PCDH11Y: variants seen among roughly 807,000 people sequenced by gnomAD.
PCDH11Y encodes protocadherin 11 Y-linked, also known as protocadherin-11 Y-linked.
For missense variants in PCDH11Y, 12 were observed against 224.8 expected, an observed-to-expected ratio of 0.05 and a Z score of 6.05; for synonymous variants, 9 against 83.6, an observed-to-expected ratio of 0.11 and a Z score of 4.87.
At chrY:5,044,210 C>A in intron 3 of PCDH11Y, among the ~76,000 whole-genome samples, 1 of 31,762 alleles carries the variant, frequency 3.1e-5, no homozygotes, top group Admixed American at 2.9e-4. Context: ...GTTAGGGTGT[C>A]AATTTTTGAT....
intron 2 of PCDH11Y, among the ~76,000 whole-genome samples, chrY:5,118,337 T>C (rs2052813952): frequency 6.2e-5 from 2 of 32,511 alleles, no homozygotes; most frequent in Non-Finnish European, 1.5e-4. Context: ...CAGGTGATTC[T>C]CCCACTTCAG....
At chrY:5,447,933 T>C in intron 2 of PCDH11Y, among the ~76,000 whole-genome samples, 1 of 31,146 alleles carries the variant, frequency 3.2e-5, no homozygotes, top group Non-Finnish European at 7.8e-5. Context: ...CACACACTTA[T>C]TAACATCTTC....
At chrY:5,691,165 G>T (rs2124710783) in intron 4 of PCDH11Y, among the ~76,000 whole-genome samples, 1 of 33,288 alleles carries the variant, frequency 3.0e-5, no homozygotes, top group East Asian at 7.8e-4. Context: ...TTTGATATGT[G>T]GAAAAAATAA....
At chrY:5,425,986 C>T (rs2053262934) in intron 2 of PCDH11Y, among the ~76,000 whole-genome samples, 3 of 32,404 alleles carry the variant, frequency 9.3e-5, no homozygotes, top group African/African-American at 3.6e-4. Flanking sequence ...CAAATTTGTC[C>T]GTAATATTCA....
intron 2 of PCDH11Y, among the ~76,000 whole-genome samples, chrY:5,272,622 A>G: frequency 3.0e-5 from 1 of 32,835 alleles, no homozygotes; most frequent in African/African-American, 1.2e-4. Flanking sequence ...TGACATTTGT[A>G]TCAGCATTAG....
chrY:5,257,874 T>A, intron 2 of PCDH11Y, among the ~76,000 whole-genome samples: 2 of 29,236 alleles, frequency 6.8e-5, no homozygotes, highest in Non-Finnish European at 1.6e-4. Context: ...TTGGCATTAG[T>A]TCTTCTATAA....
At chrY:5,145,477 C>A in intron 2 of PCDH11Y, among the ~76,000 whole-genome samples, 7 of 33,254 alleles carry the variant, frequency 2.1e-4, no homozygotes, top group Non-Finnish European at 5.2e-4. Context: ...TGTTTTCTAT[C>A]ATATAGGAAT....
intron 4 of PCDH11Y, among the ~76,000 whole-genome samples, chrY:5,622,280 T>C: frequency 1.8e-4 from 6 of 32,498 alleles, no homozygotes; most frequent in Non-Finnish European, 3.7e-4. Flanking sequence ...AAGACATACA[T>C]GTGGCCAATA....
intron 2 of PCDH11Y, among the ~76,000 whole-genome samples, chrY:5,373,745 TAC>T (rs369088178): frequency 0.086 from 2,023 of 23,558 alleles, no homozygotes; most frequent in Middle Eastern, 0.095. Context: ...TGTGTATATA[TAC>T]ACACACACAC....
At chrY:5,071,103 G>T (rs2124630680) in intron 1 of PCDH11Y, among the ~76,000 whole-genome samples, 1 of 32,602 alleles carries the variant, frequency 3.1e-5, no homozygotes, top group South Asian at 6.8e-4. Context: ...AAATTTTTGA[G>T]ATATTGTGAT....
chrY:5,727,505 C>T lies in PCDH11Y; in HGVS notation c.3353-9767C>T. Among the ~76,000 whole-genome samples the T allele has an allele frequency of 2.5e-4, 8 of 32,404 alleles. No homozygotes were observed. The Middle Eastern group carries it at 0.11, about 430-fold the overall frequency. The allele number at this position is 32,404 out of a possible 37,273, so 86.9% of individuals were successfully genotyped here. On this transcript the variant is annotated intron_variant, in intron 4 of 4. Coordinates refer to the PCDH11Y transcript ENST00000400457. ...GTGTCTTAGAAAACCTTTGTATTAT[C>T]GTTTATCCTATGGTTTCTGTAAATA...
chrY:5,503,736 A>G (rs1602935265), intron 3 of PCDH11Y, among the ~76,000 whole-genome samples: 94 of 32,657 alleles, frequency 2.9e-3, no homozygotes, highest in Non-Finnish European at 4.4e-3. Flanking sequence ...AATTAAAAAG[A>G]AAAAACATAG....
intron 3 of PCDH11Y, among the ~76,000 whole-genome samples, chrY:5,536,290 A>C: frequency 3.1e-5 from 1 of 32,626 alleles, no homozygotes; most frequent in East Asian, 8.1e-4. Context: ...TTTGATTTGC[A>C]TTTCCTTGAT....
At chrY:5,630,433 C>T (rs2053511535) in intron 4 of PCDH11Y, among the ~76,000 whole-genome samples, 1 of 33,244 alleles carries the variant, frequency 3.0e-5, no homozygotes. Flanking sequence ...CAGGAAGAGA[C>T]AGTTGCATGG....
intron 1 of PCDH11Y, among the ~76,000 whole-genome samples, chrY:5,023,400 C>T: frequency 2.9e-5 from 1 of 34,572 alleles, no homozygotes; most frequent in African/African-American, 1.1e-4. Context: ...AATGCACTTT[C>T]TTGAAGAATT....
intron 2 of PCDH11Y, among the ~76,000 whole-genome samples, chrY:5,230,100 G>C: frequency 3.0e-5 from 1 of 33,344 alleles, no homozygotes; most frequent in Non-Finnish European, 7.4e-5. Flanking sequence ...TACTGACTCT[G>C]TCTTGAAAAG....
chrY:5,212,999 T>C, intron 2 of PCDH11Y, among the ~76,000 whole-genome samples: 1 of 26,497 alleles, frequency 3.8e-5, no homozygotes, highest in South Asian at 9.4e-4. Context: ...TCTTAATCTT[T>C]TTTTCCCCCA....
intron 3 of PCDH11Y, among the ~76,000 whole-genome samples, chrY:5,516,903 G>C: frequency 3.0e-5 from 1 of 33,249 alleles, no homozygotes. Flanking sequence ...TTCAAATAAA[G>C]TTCTTCTTTC....
chrY:5,301,241 T>G, intron 2 of PCDH11Y, among the ~76,000 whole-genome samples: 1 of 34,103 alleles, frequency 2.9e-5, no homozygotes, highest in Non-Finnish European at 7.4e-5. Flanking sequence ...ATCTTTAAGT[T>G]ATGTTATTTC....
Sources: gnomAD v4.1 joint callset for allele counts (sites outside exome capture counted in the v4.1 genomes callset) on GRCh38, gnomAD v4.1.1 for gene constraint, MANE v1.5 for transcripts, NCBI Gene and HGNC (gene_info 2026-07-23, HGNC 2026-07-21) for gene names.